CD72: variants seen among roughly 807,000 people sequenced by gnomAD.
CD72 encodes the protein B-cell differentiation antigen CD72.
A neutral mutation model predicts 50.7 loss-of-function variants in CD72; 28 were observed. The ratio of observed to expected loss-of-function variants is 0.55; its 90% CI spans 0.41 to 0.76. The LOEUF is 0.76. CD72 is among the 30% of genes least tolerant of loss of function. CD72 has a pLI of 0.00. For synonymous variants in CD72, 176 were observed against 171.2 expected (o/e 1.03, Z -0.22); for missense variants, 403 against 420.6 (o/e 0.96, Z 0.37).
At chr9:35,644,850 TAGTC>T (rs965884785) in intron 1 of CD72, among the ~76,000 whole-genome samples, 1 of 149,826 alleles carries the variant, frequency 6.7e-6, no homozygotes. Context: ...CCCACAGAAT[TAGTC>T]AGAACTCGTG....
intron 1 of CD72, among the ~76,000 whole-genome samples, chr9:35,636,242 G>A (rs1489913351): frequency 6.6e-6 from 1 of 152,038 alleles, no homozygotes; most frequent in Non-Finnish European, 1.5e-5. Flanking sequence ...TGCCCTAAAT[G>A]TTTCCTGCAG....
At chr9:35,627,117 C>T (rs557413819) in intron 1 of CD72, among the ~76,000 whole-genome samples, 4 of 149,896 alleles carry the variant, frequency 2.7e-5, no homozygotes, top group African/African-American at 4.9e-5. Context: ...GGATTACAGG[C>T]GTGAGCCACC....
At chr9:35,640,658 T>A (rs2131791304) in intron 1 of CD72, among the ~76,000 whole-genome samples, 2 of 152,194 alleles carry the variant, frequency 1.3e-5, no homozygotes, top group African/African-American at 4.8e-5. Flanking sequence ...AGCAGCAGGA[T>A]GGGAGTCAGC....
chr9:35,635,474 G>C (rs980267368), intron 1 of CD72, among the ~76,000 whole-genome samples: 3 of 152,112 alleles, frequency 2.0e-5, no homozygotes, highest in Admixed American at 2.0e-4. Flanking sequence ...CCTCTCCTTT[G>C]ATTTATCAAT....
chr9:35,611,063 A>G lies in CD72; in HGVS notation c.951-310T>C, dbSNP rs1223708144. The stretch of plus-strand genomic sequence containing the variant: ...TCAGGACATCGAGACCATCCTGACT[A>G]ACACGGTGAAACCCCGTCTCTACTA... On this transcript the variant is annotated intron_variant, in intron 7 of 8. Transcript: ENST00000259633. Among the ~76,000 whole-genome samples, 4 of 152,180 alleles carry G rather than the reference A, an allele frequency of 2.6e-5. No individual in the cohort carries two copies. The East Asian group carries it at 5.8e-4, about 22-fold the overall frequency.
At chr9:35,624,816 G>A (rs368988467) in intron 1 of CD72, among the ~76,000 whole-genome samples, 1 of 152,008 alleles carries the variant, frequency 6.6e-6, no homozygotes, top group South Asian at 2.1e-4. Flanking sequence ...CATTATTATT[G>A]TATCTGTTAT....
chr9:35,616,543 G>C lies in CD72; in HGVS notation c.352+57C>G, dbSNP rs1199062595. ...TGCTGAGGAAGATCAGCTTTGGGGC[G>C]AGAGTCGGGACGAAAGTCGTTCGGT... On this transcript the variant is annotated intron_variant, in intron 4 of 8. Transcript: ENST00000259633. 5.2e-6 allele frequency: 7 copies of C among 1,342,606 alleles called. No individual in the cohort carries two copies. In the African/African-American group the frequency reaches 1.0e-4, roughly 19 times the overall value. The allele number at this position is 1,342,606 out of a possible 1,614,324, so 83.2% of individuals were successfully genotyped here.
intron 1 of CD72, among the ~76,000 whole-genome samples, chr9:35,639,685 G>T (rs988720810): frequency 1.6e-4 from 25 of 152,308 alleles, no homozygotes; most frequent in African/African-American, 6.0e-4. Flanking sequence ...CTTAGTTTGA[G>T]CAGAATTATG....
intron 1 of CD72, among the ~76,000 whole-genome samples, chr9:35,636,652 T>C (rs1823292489): frequency 6.6e-6 from 1 of 152,168 alleles, no homozygotes; most frequent in Admixed American, 6.5e-5. Flanking sequence ...CTATAAGTAA[T>C]TTCTTAAGAA....
chr9:35,632,360 C>T (rs2131783648), intron 1 of CD72, among the ~76,000 whole-genome samples: 1 of 151,664 alleles, frequency 6.6e-6, no homozygotes, highest in South Asian at 2.1e-4. Context: ...TTAGTAGAGA[C>T]GGGGTTTCAC....
At chr9:35,633,377 T>C (rs1275390781) in intron 1 of CD72, among the ~76,000 whole-genome samples, 1 of 152,180 alleles carries the variant, frequency 6.6e-6, no homozygotes, top group East Asian at 1.9e-4. Context: ...ATTTTTCCTG[T>C]GCGTGTGTTG....
chr9:35,643,547 G>T (rs1406933120), intron 1 of CD72: 1 of 152,154 alleles, frequency 6.6e-6, no homozygotes, highest in Non-Finnish European at 1.5e-5. Flanking sequence ...ACAAAGGCCT[G>T]GTAGACTAAG....
exon 1 of CD72, chr9:35,646,621 G>C (rs1823396455): frequency 6.6e-6 from 1 of 152,226 alleles, no homozygotes; most frequent in African/African-American, 2.4e-5. Flanking sequence ...ATCCGGGCTG[G>C]GGGACGGAAA....
chr9:35,642,172 T>C (rs778198511), intron 1 of CD72, among the ~76,000 whole-genome samples: 4 of 152,224 alleles, frequency 2.6e-5, no homozygotes, highest in Non-Finnish European at 4.4e-5. Flanking sequence ...CACGGGAACC[T>C]CTAAAAGGTC....
In CD72 at chr9:35,616,622, G is replaced by C; in HGVS notation, c.330C>G (p.Thr110=). The change falls in exon 4 of 9, where the codon ACC becomes ACG. Residue 110 remains threonine (T), a synonymous_variant. Coordinates refer to ENST00000259633, the MANE Select transcript of CD72 (RefSeq NM_001782.3). ...LLLTCLLLGV[T]AICLGVRYLQ... ...CACAGCGCACTCCCAGGCAGATGGCGGTCACTCCTAACAGCAGGCAGGTGA... is the reference window on the plus strand; with the variant it reads ...CACAGCGCACTCCCAGGCAGATGGCCGTCACTCCTAACAGCAGGCAGGTGA... 1 of 1,613,988 alleles carries C rather than the reference G, an allele frequency of 6.2e-7. No individual in the cohort carries two copies. Among genetic ancestry groups the C allele is most frequent in the Non-Finnish European group, 8.5e-7 (1 of 1,179,938 alleles).
intron 1 of CD72, among the ~76,000 whole-genome samples, chr9:35,633,302 A>G (rs1355368065): frequency 1.4e-5 from 2 of 141,174 alleles, no homozygotes; most frequent in Non-Finnish European, 3.1e-5. Flanking sequence ...AGCTTTAGTT[A>G]TTATTTTCTG....
At chr9:35,610,530 TGCTCTGAGTCCC>T in intron 8 of CD72, 60 bp downstream of exon 8, 1 of 246,730 alleles carries the variant, frequency 4.1e-6, no homozygotes, top group South Asian at 8.7e-5. Context: ...CCTGGGCCCC[TGCTCTGAGTCCC>T]TGCTCTGAGT....
rs142170055 is a variant in CD72 at position 35,616,674 on chromosome 9, A to G, written c.278T>C (p.Leu93Pro). Residue 93 changes from leucine to proline, a missense_variant, in exon 4 of 9, where the codon CTG (leucine) becomes CCG (proline). Physicochemically the swap from Leu to Pro is moderately conservative, Grantham distance 98. Coordinates refer to ENST00000259633, the MANE Select transcript of CD72 (RefSeq NM_001782.3). Reference protein sequence around the residue: ...GRILPCRTTCLRYLLLGLLLT... With the variant: ...GRILPCRTTCPRYLLLGLLLT... ...GAGCAGGCCGAGCAGGAGGTATCGC[A>G]GGCAGGTTGTGCGGCCTTAGGGGGA... 1 of 1,613,520 alleles carries G rather than the reference A, an allele frequency of 6.2e-7. No individual in the cohort carries two copies. Among genetic ancestry groups the G allele is most frequent in the East Asian group, 2.2e-5 (1 of 44,882 alleles).
chr9:35,618,557 C>A, upstream of CD72: 1 of 843,392 alleles, frequency 1.2e-6, no homozygotes, highest in Non-Finnish European at 1.9e-6. Context: ...GTCCAGAACA[C>A]AGGGGTAGGG....
Sources: allele counts gnomAD v4.1 joint callset (sites outside exome capture counted in the v4.1 genomes callset), GRCh38; gene constraint gnomAD v4.1.1; transcripts MANE v1.5; gene names NCBI Gene and HGNC (gene_info 2026-07-23, HGNC 2026-07-21).